The following CREB5 variants were observed in gnomAD, a reference collection of about 807,000 sequenced individuals.
CREB5 encodes cyclic AMP-responsive element-binding protein 5.
Under a neutral mutation model 57.1 loss-of-function variants are expected in CREB5, and 19 were observed. The observed-to-expected ratio is 0.33, with a 90% CI of 0.23 to 0.49. The LOEUF (loss-of-function observed/expected upper bound fraction) is 0.49, where lower values mean the gene tolerates loss of function less well. CREB5 is among the 20% of genes least tolerant of loss of function. The pLI, the probability that CREB5 is intolerant of heterozygous loss-of-function variation, is 0.99. For missense variants in CREB5, 579 were observed against 671.6 expected (o/e 0.86, Z 1.52); for synonymous variants, 238 against 238.3 (o/e 1.00, Z 0.01).
At chr7:28,378,392 T>C (rs1202314114) in intron 1 of CREB5, among the ~76,000 whole-genome samples, 6 of 152,130 alleles carry the variant, frequency 3.9e-5, no homozygotes, top group East Asian at 1.9e-4. Flanking sequence ...TGTATACATA[T>C]GTAACAAAAC....
chr7:28,658,955 A>ATATATATATATATATATATGTGTGTG (rs1554281546), intron 5 of CREB5, among the ~76,000 whole-genome samples: 1 of 47,544 alleles, frequency 2.1e-5, no homozygotes, highest in Admixed American at 2.0e-4. Flanking sequence ...GTGTGTGTGT[A>ATATATATATATATATATATGTGTGTG]TATATATATA....
At chr7:28,800,298 G>A (rs139476090) in intron 7 of CREB5, among the ~76,000 whole-genome samples, 1 of 151,534 alleles carries the variant, frequency 6.6e-6, no homozygotes, top group African/African-American at 2.4e-5. Flanking sequence ...GAGCGTCCTA[G>A]GCAAGAAGAT....
Position 28,523,793 on chromosome 7 carries a change from C to G in CREB5, c.291+16056C>G, listed in dbSNP as rs557999778. Among the ~76,000 whole-genome samples the G allele has an allele frequency of 2.6e-4, 39 of 152,356 alleles. 1 individual carries two copies. In the East Asian group the frequency reaches 4.2e-3, roughly 17 times the overall value. On this transcript the variant is annotated intron_variant, in intron 4 of 10. Transcript: ENST00000357727. The stretch of plus-strand genomic sequence containing the variant: ...TGAAAGCTCATGTCAGCTGCCACCT[C>G]CATGAAGCCTTCTCTGATCTCCCCT...
intron 1 of CREB5, among the ~76,000 whole-genome samples, chr7:28,308,656 C>G (rs1785226992): frequency 1.3e-5 from 2 of 152,150 alleles, no homozygotes; most frequent in South Asian, 2.1e-4. Flanking sequence ...CTGTCTTATG[C>G]CAGTCCCCCG....
chr7:28,311,910 G>A (rs983115490), intron 1 of CREB5, among the ~76,000 whole-genome samples: 1 of 152,188 alleles, frequency 6.6e-6, no homozygotes, highest in African/African-American at 2.4e-5. Context: ...GCGCTGGTGT[G>A]GCTCCTCCCA....
At chr7:28,476,636 C>T (rs373825508) in intron 1 of CREB5, among the ~76,000 whole-genome samples, 106 of 152,204 alleles carry the variant, frequency 7.0e-4, no homozygotes, top group Non-Finnish European at 1.3e-3. Context: ...TTACTAATCA[C>T]GATATTAGGT....
chr7:28,330,401 C>CTTTTTTTTTTTTTTTTTTTTTT (rs10699932), intron 1 of CREB5, among the ~76,000 whole-genome samples: 3 of 88,538 alleles, frequency 3.4e-5, no homozygotes, highest in South Asian at 4.2e-4. Context: ...GAGAACCTTA[C>CTTTTTTTTTTTTTTTTTTTTTT]TTTTTTTTTT....
chr7:28,322,271 G>C (rs1008469401), intron 1 of CREB5, among the ~76,000 whole-genome samples: 1 of 152,052 alleles, frequency 6.6e-6, no homozygotes, highest in Non-Finnish European at 1.5e-5. Flanking sequence ...TAAGTGGGTA[G>C]TCTAATTGTT....
intron 1 of CREB5, among the ~76,000 whole-genome samples, chr7:28,487,314 C>G (rs956518842): frequency 6.6e-6 from 1 of 152,140 alleles, no homozygotes; most frequent in African/African-American, 2.4e-5. Context: ...CCAACATTAG[C>G]GATCCTCCTG....
At chr7:28,482,726 T>A (rs201658283) in intron 1 of CREB5, among the ~76,000 whole-genome samples, 6 of 152,202 alleles carry the variant, frequency 3.9e-5, no homozygotes, top group East Asian at 1.9e-4. Flanking sequence ...CCTTTCAGAT[T>A]TATAATGCAT....
chr7:28,452,864 A>G (rs1789891653), intron 1 of CREB5, among the ~76,000 whole-genome samples: 1 of 152,214 alleles, frequency 6.6e-6, no homozygotes. Context: ...AAGACAGAGA[A>G]TGGATCAAGG....
chr7:28,738,801 C>T (rs187281522), intron 7 of CREB5, among the ~76,000 whole-genome samples: 1 of 152,294 alleles, frequency 6.6e-6, no homozygotes, highest in African/African-American at 2.4e-5. Flanking sequence ...GTTCCCAGCT[C>T]ACTGTTCCAA....
At chr7:28,560,103 A>C (rs1189036127) in intron 4 of CREB5, among the ~76,000 whole-genome samples, 1 of 152,218 alleles carries the variant, frequency 6.6e-6, no homozygotes, top group Non-Finnish European at 1.5e-5. Context: ...CTTTATCTTT[A>C]CTTTGTAGGT....
At chr7:28,365,923 G>A (rs1287616951) in intron 1 of CREB5, among the ~76,000 whole-genome samples, 2 of 152,044 alleles carry the variant, frequency 1.3e-5, no homozygotes, top group Non-Finnish European at 2.9e-5. Context: ...TTCATCATAA[G>A]TTTAAATAGT....
At chr7:28,328,674 A>G (rs1239188304) in intron 1 of CREB5, among the ~76,000 whole-genome samples, 2 of 152,254 alleles carry the variant, frequency 1.3e-5, no homozygotes, top group African/African-American at 4.8e-5. Context: ...ATATACCGTC[A>G]TTAGGCACTC....
intron 1 of CREB5, among the ~76,000 whole-genome samples, chr7:28,443,780 T>C (rs1317492974): frequency 6.6e-6 from 1 of 152,194 alleles, no homozygotes; most frequent in Non-Finnish European, 1.5e-5. Flanking sequence ...TTATATAAAA[T>C]GATAATTCAC....
intron 7 of CREB5, among the ~76,000 whole-genome samples, chr7:28,753,655 A>G (rs1252115366): frequency 2.0e-5 from 3 of 152,176 alleles, no homozygotes; most frequent in African/African-American, 7.2e-5. Context: ...AAGAAACTAA[A>G]TGGCATGCAC....
chr7:28,724,052 C>T (rs1469284332), intron 6 of CREB5, among the ~76,000 whole-genome samples, 170 bp from the exon 7 acceptor site: 3 of 152,102 alleles, frequency 2.0e-5, no homozygotes, highest in Non-Finnish European at 4.4e-5. Context: ...CTTTGATGTG[C>T]GTGGGTTCAA....
intron 5 of CREB5, among the ~76,000 whole-genome samples, chr7:28,609,664 A>G (rs949349548): frequency 6.6e-6 from 1 of 152,166 alleles, no homozygotes; most frequent in African/African-American, 2.4e-5. Context: ...ACCCAAGTCT[A>G]CCTTGTTGAG....
Sources: allele counts gnomAD v4.1 joint callset (sites outside exome capture counted in the v4.1 genomes callset), GRCh38; gene constraint gnomAD v4.1.1; transcripts MANE v1.5; gene names NCBI Gene and HGNC (gene_info 2026-07-23, HGNC 2026-07-21).